The following RAD51B variants were observed in gnomAD, a reference collection of about 807,000 sequenced individuals.
RAD51B encodes RAD51 paralog B.
A neutral mutation model predicts 42.2 loss-of-function variants in RAD51B; 38 were observed. The ratio of observed to expected loss-of-function variants is 0.90; its 90% CI spans 0.70 to 1.18. The LOEUF is 1.18. Ranked by LOEUF, RAD51B falls within the 50% of genes most tolerant of loss-of-function variation. The pLI is 0.00. For missense variants in RAD51B, 373 were observed against 400.7 expected (o/e 0.93, Z 0.59); for synonymous variants, 154 against 145.2 (o/e 1.06, Z -0.43).
chr14:68,105,093 TTAAAC>T (rs1021148666), intron 7 of RAD51B, among the ~76,000 whole-genome samples: 3 of 152,112 alleles, frequency 2.0e-5, no homozygotes, highest in South Asian at 4.1e-4. Context: ...AATATTTACT[TTAAAC>T]TAAACTCCAG....
intron 7 of RAD51B, among the ~76,000 whole-genome samples, chr14:68,195,888 A>G (rs1184562610): frequency 7.1e-6 from 1 of 141,682 alleles, no homozygotes; most frequent in African/African-American, 2.7e-5. Flanking sequence ...AGCCTGGGCC[A>G]CAAGAGCAGA....
chr14:68,067,903 G>A (rs1010673726), intron 7 of RAD51B, among the ~76,000 whole-genome samples: 3 of 119,704 alleles, frequency 2.5e-5, no homozygotes, highest in African/African-American at 9.8e-5. Flanking sequence ...CTGCACTGCA[G>A]TCTGTCTGAC....
chr14:67,893,505 C>A (rs1468617380), intron 7 of RAD51B, among the ~76,000 whole-genome samples: 32,248 of 97,710 alleles, frequency 0.33, 5,635 homozygotes, highest in Middle Eastern at 0.44. Context: ...CACACACACA[C>A]ACACAAAAAA....
intron 4 of RAD51B, among the ~76,000 whole-genome samples, chr14:67,837,922 A>T (rs1445116246): frequency 6.6e-6 from 1 of 152,216 alleles, no homozygotes; most frequent in Admixed American, 6.5e-5. Flanking sequence ...TAATTTTGTA[A>T]CTGCTAACCA....
rs2044874509 is a variant in RAD51B at position 67,934,782 on chromosome 14, A to G, written c.756+47578A>G. 2.0e-5 allele frequency among the ~76,000 whole-genome samples: 3 copies of G among 152,204 alleles called. No individual in the cohort carries two copies. In the South Asian group the frequency reaches 6.2e-4, roughly 32 times the overall value. ...TGTATATTATTGAGGAATCTGGAGCATGTTGTTCCATCCCTGACTCTTATT... is the reference window on the plus strand; with the variant it reads ...TGTATATTATTGAGGAATCTGGAGCGTGTTGTTCCATCCCTGACTCTTATT... On this transcript the variant is annotated intron_variant, in intron 7 of 10. Coordinates refer to ENST00000471583, the MANE Select transcript of RAD51B (RefSeq NM_133510.4).
chr14:68,552,117 G>A (rs946953871), intron 10 of RAD51B, among the ~76,000 whole-genome samples: 2 of 152,214 alleles, frequency 1.3e-5, no homozygotes, highest in African/African-American at 4.8e-5. Context: ...TTGCTGGGAA[G>A]CCCAGGAGAT....
chr14:67,868,460 T>C (rs2042402191), intron 5 of RAD51B, among the ~76,000 whole-genome samples: 1 of 152,210 alleles, frequency 6.6e-6, no homozygotes, highest in African/African-American at 2.4e-5. Flanking sequence ...CACTGATTGC[T>C]AGCACAGCAG....
intron 7 of RAD51B, among the ~76,000 whole-genome samples, chr14:67,906,378 G>A (rs2043781929): frequency 6.6e-6 from 1 of 152,056 alleles, no homozygotes; most frequent in Non-Finnish European, 1.5e-5. Context: ...TCTCTGCCAA[G>A]TATTGGTATC....
chr14:67,920,311 CGTT>C (rs928197101), intron 7 of RAD51B, among the ~76,000 whole-genome samples: 5 of 151,832 alleles, frequency 3.3e-5, no homozygotes, highest in African/African-American at 1.2e-4. Context: ...TCAACTCTAA[CGTT>C]ATTTTGTTGT....
chr14:68,564,172 C>T (rs1370052439), intron 10 of RAD51B, among the ~76,000 whole-genome samples: 1 of 152,174 alleles, frequency 6.6e-6, no homozygotes, highest in Admixed American at 6.5e-5. Context: ...GATTTTTCTG[C>T]GCTGGATCCT....
intron 7 of RAD51B, among the ~76,000 whole-genome samples, chr14:68,010,915 G>A (rs987123984): frequency 6.6e-6 from 1 of 151,768 alleles, no homozygotes; most frequent in Admixed American, 6.6e-5. Flanking sequence ...GTGTTTAGCT[G>A]TTTTGTCTGT....
intron 7 of RAD51B, among the ~76,000 whole-genome samples, chr14:68,145,907 A>G (rs1179914922): frequency 6.6e-6 from 1 of 152,214 alleles, no homozygotes; most frequent in Non-Finnish European, 1.5e-5. Flanking sequence ...GTAGAATATT[A>G]TGTTTACATT....
chr14:67,885,162 T>G (rs879285191), intron 5 of RAD51B, among the ~76,000 whole-genome samples: 1 of 152,208 alleles, frequency 6.6e-6, no homozygotes, highest in Non-Finnish European at 1.5e-5. Flanking sequence ...ACTCAAAGAC[T>G]TATATTTTTA....
At chr14:68,514,215 T>C (rs1885965521) in intron 10 of RAD51B, among the ~76,000 whole-genome samples, 1 of 152,222 alleles carries the variant, frequency 6.6e-6, no homozygotes, top group Non-Finnish European at 1.5e-5. Context: ...ATCCTTTTTT[T>C]CTTAGTTCTC....
chr14:68,349,129 A>C, intron 8 of RAD51B, among the ~76,000 whole-genome samples: 1 of 152,018 alleles, frequency 6.6e-6, no homozygotes, highest in East Asian at 1.9e-4. Context: ...ATGTCACAAA[A>C]TTTTTTTTGT....
At chr14:68,251,391 A>G (rs989355350) in intron 7 of RAD51B, among the ~76,000 whole-genome samples, 1 of 152,076 alleles carries the variant, frequency 6.6e-6, no homozygotes, top group African/African-American at 2.4e-5. Flanking sequence ...TTTTTTTTAG[A>G]GGAGAGTGTA....
intron 7 of RAD51B, among the ~76,000 whole-genome samples, chr14:67,915,009 A>G (rs1357686419): frequency 6.6e-6 from 1 of 152,178 alleles, no homozygotes; most frequent in Non-Finnish European, 1.5e-5. Context: ...TCTCACTTCT[A>G]AGTGAGAGCT....
intron 10 of RAD51B, among the ~76,000 whole-genome samples, chr14:68,636,853 A>C (rs1459673786): frequency 6.6e-6 from 1 of 152,208 alleles, no homozygotes; most frequent in Admixed American, 6.5e-5. Context: ...GGCGGCCCCA[A>C]GCAAGCCCTG....
In RAD51B at chr14:67,887,050, C is replaced by A; in HGVS notation, c.602C>A (p.Ser201Ter). Residue 201 changes from serine (S) to a stop codon, truncating the protein, a stop_gained, in exon 7 of 11, where the codon TCA becomes TAA. Coordinates refer to ENST00000471583, the MANE Select transcript of RAD51B (RefSeq NM_133510.4). LOFTEE classifies it high-confidence loss of function. The part of the protein sequence containing the change: ...RIESLEEEII[S>*]KGIKLVILDS... ...GAATCTTTGGAAGAAGAAATTATCT[C>A]AAAAGGAATTAAACTTGTGATTCTT... is the stretch of plus-strand genomic sequence containing the variant. 1 of 1,536,570 alleles carries A rather than the reference C, an allele frequency of 6.5e-7. No homozygotes were observed. The highest frequency in any genetic ancestry group is 8.9e-7 in the Non-Finnish European group (1 of 1,127,566).
Sources: gnomAD v4.1 joint callset for allele counts (sites outside exome capture counted in the v4.1 genomes callset) on GRCh38, gnomAD v4.1.1 for gene constraint, MANE v1.5 for transcripts, NCBI Gene and HGNC (gene_info 2026-07-23, HGNC 2026-07-21) for gene names.